ZNF713: variants seen among roughly 807,000 people sequenced by gnomAD.
The protein encoded by ZNF713 is zinc finger protein 713.
ZNF713 carries 21 observed loss-of-function variants against 28.7 expected under a neutral mutation model. That is an observed-to-expected ratio of 0.73 (90% CI 0.52 to 1.05). The LOEUF (loss-of-function observed/expected upper bound fraction) is 1.05, where lower values mean the gene tolerates loss of function less well. Ranked by LOEUF, ZNF713 falls within the 50% of genes least tolerant of loss-of-function variation. The pLI is 0.00. For missense variants in ZNF713, 458 were observed against 532.4 expected, an observed-to-expected ratio of 0.86 and a Z score of 1.37; for synonymous variants, 167 against 178.0, an observed-to-expected ratio of 0.94 and a Z score of 0.49.
intron 1 of ZNF713, among the ~76,000 whole-genome samples, chr7:55,891,730 A>G (rs1410522233): frequency 6.6e-6 from 1 of 151,470 alleles, no homozygotes. Flanking sequence ...ACATCTGAGT[A>G]TATAAACGCC....
intron 1 of ZNF713, among the ~76,000 whole-genome samples, chr7:55,900,245 G>A (rs1273625703): frequency 2.0e-5 from 3 of 152,056 alleles, no homozygotes; most frequent in African/African-American, 4.8e-5. Context: ...CGAGGCAGGC[G>A]GATCACGAGG....
chr7:55,912,807 A>C lies in ZNF713; in HGVS notation c.87+84A>C. 3.5e-6 allele frequency: 4 copies of C among 1,132,568 alleles called. No homozygotes were observed. The Admixed American group carries it at 8.2e-5, about 23-fold the overall frequency. The allele number at this position is 1,132,568 out of a possible 1,614,324, so 70.2% of individuals were successfully genotyped here. The stretch of plus-strand genomic sequence containing the variant: ...ACTTTTTCATTTCTCAGAAGTGCTG[A>C]GTCACAAAAATCCAGAGCCCAGGAG... On this transcript the variant is annotated intron_variant, in intron 4 of 6. Coordinates refer to ENST00000429591, the MANE Select transcript of ZNF713 (RefSeq NM_182633.3).
chr7:55,895,086 G>A (rs1322401022), intron 1 of ZNF713, among the ~76,000 whole-genome samples: 1 of 152,130 alleles, frequency 6.6e-6, no homozygotes, highest in Non-Finnish European at 1.5e-5. Context: ...TATTTCCATG[G>A]TAGAGAGGGG....
chr7:55,919,519 TTTTTG>T (rs1785951907), intron 4 of ZNF713, among the ~76,000 whole-genome samples: 1 of 118,608 alleles, frequency 8.4e-6, no homozygotes, highest in Admixed American at 8.8e-5. Context: ...TTTTTTTTTT[TTTTTG>T]AGATGAAGTC....
rs1269752362 is a variant in ZNF713, at chr7:55,928,468, TAGAAGAG to T, written c.307+4770_307+4776del. The stretch of plus-strand genomic sequence containing the variant: ...AGGGAGAGTCAAAGAAATGGAGGTG[TAGAAGAG>T]GTCAGAAAGAGACAGAATGTGAGTA... On this transcript the variant is annotated intron_variant, in intron 6 of 6. Transcript: ENST00000429591. Among the ~76,000 whole-genome samples, 12 of 152,178 alleles carry T rather than the reference TAGAAGAG, an allele frequency of 7.9e-5. No homozygotes were observed. The East Asian group carries it at 1.9e-3, about 24-fold the overall frequency.
chr7:55,918,798 G>T (rs966240867), intron 4 of ZNF713, among the ~76,000 whole-genome samples: 2 of 152,030 alleles, frequency 1.3e-5, no homozygotes, highest in Admixed American at 1.3e-4. Context: ...TTTGAGACTA[G>T]CCTGGCCAAC....
intron 4 of ZNF713, among the ~76,000 whole-genome samples, chr7:55,918,496 ACCTAAACCACAGGGCACT>A (rs1310227583): frequency 6.6e-6 from 1 of 152,174 alleles, no homozygotes; most frequent in East Asian, 1.9e-4. Context: ...AAAAACAGAA[ACCTAAACCACAGGGCACT>A]GACTTTGGAA....
intron 6 of ZNF713, among the ~76,000 whole-genome samples, chr7:55,937,611 T>C (rs1416270000): frequency 6.6e-6 from 1 of 151,832 alleles, no homozygotes; most frequent in Non-Finnish European, 1.5e-5. Flanking sequence ...TACCTAAGAA[T>C]TAAGGGGAGG....
At chr7:55,934,761 T>C (rs1267149572) in intron 6 of ZNF713, among the ~76,000 whole-genome samples, 1 of 152,054 alleles carries the variant, frequency 6.6e-6, no homozygotes, top group African/African-American at 2.4e-5. Context: ...TGCCTTGGCC[T>C]CCCAAAATGC....
intron 6 of ZNF713, chr7:55,923,903 T>A: frequency 7.5e-6 from 3 of 398,826 alleles, no homozygotes; most frequent in Non-Finnish European, 1.4e-5. Context: ...ACACTTATAT[T>A]GTTTTAAAAA....
At chr7:55,934,254 A>G (rs973744816) in intron 6 of ZNF713, among the ~76,000 whole-genome samples, 8 of 152,178 alleles carry the variant, frequency 5.3e-5, no homozygotes, top group Non-Finnish European at 1.0e-4. Context: ...AAAAAAATAT[A>G]TATGTACTTG....
intron 3 of ZNF713, 112 bp from the exon 4 acceptor site, chr7:55,912,523 T>C (rs1785803451): frequency 1.4e-6 from 1 of 698,902 alleles, no homozygotes; most frequent in East Asian, 2.7e-5. Flanking sequence ...TTTAGGCTTA[T>C]GTCTTAGAGG....
rs1464317026 is a variant in ZNF713 at position 55,940,370 on chromosome 7, C to T, written c.*364C>T. On this transcript the variant is annotated 3_prime_UTR_variant, in exon 7 of 7. Coordinates refer to ENST00000429591, the MANE Select transcript of ZNF713 (RefSeq NM_182633.3). ...AACTCCTAACCTCAGGTGATCCGCCCACCTCGGCCTCCCAAAGTGCTGGGA... is the reference window on the plus strand; with the variant it reads ...AACTCCTAACCTCAGGTGATCCGCCTACCTCGGCCTCCCAAAGTGCTGGGA... 1.2e-6 allele frequency: 1 copy of T among 857,580 alleles called. No individual in the cohort carries two copies. The highest frequency in any genetic ancestry group is 1.1e-4 in the East Asian group (1 of 8,820). 53.1% of individuals were successfully genotyped at this position (857,580 alleles called of 1,614,324 possible). A position where few individuals can be genotyped will look rare whatever the true frequency, so the allele number is the denominator to read the frequency against.
chr7:55,932,563 A>G (rs1786233557), intron 6 of ZNF713, among the ~76,000 whole-genome samples: 2 of 150,454 alleles, frequency 1.3e-5, no homozygotes, highest in Admixed American at 6.6e-5. Flanking sequence ...TGTTTGGCCA[A>G]CTAACTACTC....
At chr7:55,926,780 C>T (rs992920692) in intron 6 of ZNF713, among the ~76,000 whole-genome samples, 4 of 152,022 alleles carry the variant, frequency 2.6e-5, no homozygotes, top group African/African-American at 7.2e-5. Context: ...GCATGAACAA[C>T]GGGGAGGTTT....
At chr7:55,925,151 C>T (rs1786073046) in intron 6 of ZNF713, among the ~76,000 whole-genome samples, 1 of 152,150 alleles carries the variant, frequency 6.6e-6, no homozygotes, top group African/African-American at 2.4e-5. Context: ...TACTCTGGTC[C>T]ATGACACCAG....
rs766366832 is a variant in ZNF713, at chr7:55,939,172, A to G, written c.498A>G (p.Gln166=). 6.2e-7 allele frequency: 1 copy of G among 1,614,036 alleles called. No homozygotes were observed. The highest frequency in any genetic ancestry group is 8.5e-7 in the Non-Finnish European group (1 of 1,179,992). The change falls in exon 7 of 7, where the codon CAA becomes CAG. Residue 166 remains glutamine (Q), a synonymous_variant. Coordinates refer to ENST00000429591, the MANE Select transcript of ZNF713 (RefSeq NM_182633.3). The part of the protein sequence containing the change: ...NQENHKRYLG[Q]VTLTHKKITQ... The stretch of plus-strand genomic sequence containing the variant: ...AAAACCACAAGAGATATTTAGGACA[A>G]GTAACTTTGACCCACAAAAAGATCA...
intron 6 of ZNF713, chr7:55,924,440 C>T (rs1470842995): frequency 1.3e-5 from 2 of 152,266 alleles, no homozygotes; most frequent in African/African-American, 2.4e-5. Context: ...CATTTTCTTT[C>T]TCCTTATTCT....
chr7:55,913,195 CTTT>C (rs66851959), intron 4 of ZNF713, among the ~76,000 whole-genome samples: 976 of 88,142 alleles, frequency 0.011, 2 homozygotes, highest in African/African-American at 0.019. Context: ...GTTTTGATTC[CTTT>C]TTTTTTTTTT....
Sources: gnomAD v4.1 joint callset for allele counts (sites outside exome capture counted in the v4.1 genomes callset) on GRCh38, gnomAD v4.1.1 for gene constraint, MANE v1.5 for transcripts, NCBI Gene and HGNC (gene_info 2026-07-23, HGNC 2026-07-21) for gene names.